Variants in IGF2BP2 observed in about 807,000 individuals in gnomAD.
The protein encoded by IGF2BP2 is insulin-like growth factor 2 mRNA-binding protein 2.
A neutral mutation model predicts 75.8 loss-of-function variants in IGF2BP2; 17 were observed. The observed-to-expected ratio is 0.22, with a 90% CI of 0.15 to 0.34. The LOEUF (loss-of-function observed/expected upper bound fraction) is 0.34, where lower values mean the gene tolerates loss of function less well. Ranked by LOEUF, IGF2BP2 falls within the 10% of genes least tolerant of loss-of-function variation. The probability of loss-of-function intolerance (pLI) is 1.00; values close to 1 mark genes in which losing one functional copy is unlikely to be tolerated. For missense variants in IGF2BP2, 516 were observed against 772.4 expected, an observed-to-expected ratio of 0.67 and a Z score of 3.93; for synonymous variants, 288 against 295.6, an observed-to-expected ratio of 0.97 and a Z score of 0.26.
intron 2 of IGF2BP2, among the ~76,000 whole-genome samples, chr3:185,810,705 C>T (rs1277665902): frequency 2.7e-5 from 4 of 150,902 alleles, no homozygotes; most frequent in Non-Finnish European, 2.9e-5. Context: ...ACCCAGGAGG[C>T]GGAGGTTGCA....
intron 2 of IGF2BP2, among the ~76,000 whole-genome samples, chr3:185,719,350 T>C (rs1726152033): frequency 6.6e-6 from 1 of 152,200 alleles, no homozygotes; most frequent in South Asian, 2.1e-4. Flanking sequence ...CAGATTGGAT[T>C]TGCTAGAATA....
chr3:185,755,436 G>T (rs540170445), intron 2 of IGF2BP2, among the ~76,000 whole-genome samples: 1 of 152,342 alleles, frequency 6.6e-6, no homozygotes, highest in Non-Finnish European at 1.5e-5. Context: ...CCCACATAGA[G>T]TCCCCACCAG....
At chr3:185,740,261 G>C (rs1000006223) in intron 2 of IGF2BP2, among the ~76,000 whole-genome samples, 1 of 152,154 alleles carries the variant, frequency 6.6e-6, no homozygotes, top group African/African-American at 2.4e-5. Flanking sequence ...TATTTAGAAA[G>C]ATACATATCA....
chr3:185,824,407 G>A (rs1314501782), intron 1 of IGF2BP2, among the ~76,000 whole-genome samples: 1 of 145,244 alleles, frequency 6.9e-6, no homozygotes, highest in South Asian at 2.3e-4. Context: ...GGGGGTGACA[G>A]GAAGGTCAGG....
chr3:185,787,232 C>T (rs144080025), intron 2 of IGF2BP2, among the ~76,000 whole-genome samples: 2 of 152,042 alleles, frequency 1.3e-5, no homozygotes, highest in South Asian at 2.1e-4. Context: ...GCATAAACAA[C>T]GTGAATGTAG....
intron 2 of IGF2BP2, among the ~76,000 whole-genome samples, chr3:185,800,856 T>C (rs1342833514): frequency 1.3e-5 from 2 of 152,028 alleles, no homozygotes; most frequent in Non-Finnish European, 2.9e-5. Context: ...AAAGCCAAAT[T>C]TGACAAATGG....
At chr3:185,677,868 A>C (rs1719794060) in intron 7 of IGF2BP2, among the ~76,000 whole-genome samples, 1 of 152,198 alleles carries the variant, frequency 6.6e-6, no homozygotes, top group East Asian at 1.9e-4. Flanking sequence ...GACAGAGGAA[A>C]GGACCAGCAA....
chr3:185,677,267 G>T (rs541104481), intron 7 of IGF2BP2, among the ~76,000 whole-genome samples: 3 of 151,734 alleles, frequency 2.0e-5, no homozygotes, highest in African/African-American at 7.3e-5. Flanking sequence ...ATTTTGGCTT[G>T]TCTGGAAGGT....
chr3:185,788,613 A>C (rs73061075), intron 2 of IGF2BP2, among the ~76,000 whole-genome samples: 44,227 of 152,036 alleles, frequency 0.29, 6,782 homozygotes, highest in African/African-American at 0.39. Context: ...ACACTACAGC[A>C]TAAGTGCTAG....
intron 2 of IGF2BP2, among the ~76,000 whole-genome samples, chr3:185,796,267 G>A (rs1489315141): frequency 1.3e-5 from 2 of 151,944 alleles, no homozygotes; most frequent in Non-Finnish European, 2.9e-5. Context: ...CTTGAAATAA[G>A]AGCTCCAGGG....
At chr3:185,738,387 G>C (rs58983732) in intron 2 of IGF2BP2, among the ~76,000 whole-genome samples, 74,964 of 151,994 alleles carry the variant, frequency 0.49, 19,526 homozygotes, top group African/African-American at 0.66. Context: ...GTGGGCAGAG[G>C]TCCTTCCTTG....
chr3:185,671,573 C>G (rs985956948), intron 10 of IGF2BP2, among the ~76,000 whole-genome samples: 2 of 151,292 alleles, frequency 1.3e-5, no homozygotes, highest in African/African-American at 4.8e-5. Context: ...AGAAAAGATT[C>G]AGAAGAGCCA....
At chr3:185,655,661 A>G (rs1483542441) in intron 12 of IGF2BP2, among the ~76,000 whole-genome samples, 1 of 152,218 alleles carries the variant, frequency 6.6e-6, no homozygotes, top group East Asian at 1.9e-4. Context: ...ACACGTCACC[A>G]TTCGACCTTG....
chr3:185,754,400 G>T (rs184433387), intron 2 of IGF2BP2, among the ~76,000 whole-genome samples: 1 of 152,042 alleles, frequency 6.6e-6, no homozygotes, highest in East Asian at 1.9e-4. Context: ...ATTAAACTTC[G>T]TTTCTTTATA....
intron 2 of IGF2BP2, chr3:185,728,781 C>T (rs1276045245): frequency 2.0e-5 from 3 of 152,248 alleles, no homozygotes; most frequent in Admixed American, 6.5e-5. Flanking sequence ...ATCAAAACCC[C>T]GAGTCATGCT....
At chr3:185,757,272 T>C (rs1343656290) in intron 2 of IGF2BP2, among the ~76,000 whole-genome samples, 1 of 152,154 alleles carries the variant, frequency 6.6e-6, no homozygotes, top group Non-Finnish European at 1.5e-5. Flanking sequence ...TGCCTCTGCA[T>C]TCTCATTCAT....
At chr3:185,791,688 AAG>A (rs1373587894) in intron 2 of IGF2BP2, among the ~76,000 whole-genome samples, 1 of 149,980 alleles carries the variant, frequency 6.7e-6, no homozygotes, top group African/African-American at 2.5e-5. Flanking sequence ...TAGTAGGAAG[AAG>A]AGAGAGAAGA....
chr3:185,648,385 C>G (rs1489644507), intron 14 of IGF2BP2, among the ~76,000 whole-genome samples: 1 of 151,368 alleles, frequency 6.6e-6, no homozygotes, highest in African/African-American at 2.4e-5. Context: ...ATCACCTGAA[C>G]CAGGGAGGTG....
chr3:185,685,351 A>G (rs1720974211), intron 7 of IGF2BP2, among the ~76,000 whole-genome samples: 2 of 152,138 alleles, frequency 1.3e-5, no homozygotes, highest in South Asian at 4.2e-4. Context: ...AAAAAAAAAA[A>G]GGAATCCAGA....
Sources: allele counts gnomAD v4.1 joint callset (sites outside exome capture counted in the v4.1 genomes callset), GRCh38; gene constraint gnomAD v4.1.1; transcripts MANE v1.5; gene names NCBI Gene and HGNC (gene_info 2026-07-23, HGNC 2026-07-21).